Variants in VSTM4 observed in about 807,000 individuals in gnomAD.
VSTM4 encodes the protein V-set and transmembrane domain containing 4.
A neutral mutation model predicts 36.4 loss-of-function variants in VSTM4; 20 were observed. That is an observed-to-expected ratio of 0.55 (90% CI 0.39 to 0.80). The LOEUF is 0.80. Ranked by LOEUF, VSTM4 falls within the 30% of genes least tolerant of loss-of-function variation. VSTM4 has a pLI of 0.00. For missense variants in VSTM4, 392 were observed against 404.5 expected, an observed-to-expected ratio of 0.97 and a Z score of 0.26; for synonymous variants, 182 against 173.9, an observed-to-expected ratio of 1.05 and a Z score of -0.37.
intron 2 of VSTM4, among the ~76,000 whole-genome samples, chr10:49,090,402 T>C (rs959415917): frequency 6.6e-6 from 1 of 152,144 alleles, no homozygotes; most frequent in African/African-American, 2.4e-5. Flanking sequence ...CAGCTGCTCA[T>C]GATTAAAGGA....
chr10:49,044,840 C>T (rs778379589), intron 7 of VSTM4, among the ~76,000 whole-genome samples: 2 of 152,184 alleles, frequency 1.3e-5, no homozygotes, highest in Non-Finnish European at 2.9e-5. Flanking sequence ...ACCATTCATA[C>T]TTATGTCTAT....
intron 2 of VSTM4, among the ~76,000 whole-genome samples, chr10:49,105,808 A>G (rs534116840): frequency 6.6e-6 from 1 of 151,902 alleles, no homozygotes; most frequent in South Asian, 2.1e-4. Context: ...AAACAACACA[A>G]TTCACACATA....
chr10:49,033,235 T>A (rs1221684615), intron 7 of VSTM4, among the ~76,000 whole-genome samples: 1 of 152,190 alleles, frequency 6.6e-6, no homozygotes, highest in African/African-American at 2.4e-5. Context: ...CTATACGTAC[T>A]GATGTAGAAA....
At chr10:49,068,326 G>T (rs1310921000) in intron 4 of VSTM4, among the ~76,000 whole-genome samples, 1 of 152,132 alleles carries the variant, frequency 6.6e-6, no homozygotes, top group Non-Finnish European at 1.5e-5. Context: ...TCCAGTGCTC[G>T]AGGTAGCAAG....
intron 7 of VSTM4, among the ~76,000 whole-genome samples, chr10:49,040,462 T>G (rs1454268252): frequency 6.6e-6 from 1 of 152,096 alleles, no homozygotes; most frequent in Non-Finnish European, 1.5e-5. Context: ...TTTTTTGTAA[T>G]TTTTGAGGAG....
intron 2 of VSTM4, among the ~76,000 whole-genome samples, chr10:49,095,301 A>G (rs1015729706): frequency 1.3e-5 from 2 of 152,112 alleles, no homozygotes; most frequent in Non-Finnish European, 1.5e-5. Context: ...TTTCTCTGCC[A>G]TGTCTCCAGA....
At chr10:49,085,897 AAAAG>A (rs1173966784) in intron 3 of VSTM4, 54 bp downstream of exon 3, 23 of 1,140,792 alleles carry the variant, frequency 2.0e-5, no homozygotes, top group Non-Finnish European at 1.3e-5. Context: ...AATTTAAAAA[AAAAG>A]AAAAAGAAAA....
At chr10:49,085,730 C>T (rs925773260) in intron 3 of VSTM4, among the ~76,000 whole-genome samples, 44 of 151,562 alleles carry the variant, frequency 2.9e-4, no homozygotes, top group African/African-American at 1.0e-3. Flanking sequence ...AGTGAGGCTG[C>T]ATCTTATCGT....
At chr10:49,061,167 C>T (rs189503575) in intron 5 of VSTM4, among the ~76,000 whole-genome samples, 1 of 152,274 alleles carries the variant, frequency 6.6e-6, no homozygotes, top group Non-Finnish European at 1.5e-5. Context: ...CAACAAAAAA[C>T]TGTTTCCACA....
chr10:49,029,064 C>T (rs759807077), intron 7 of VSTM4, among the ~76,000 whole-genome samples: 4 of 152,170 alleles, frequency 2.6e-5, no homozygotes, highest in Admixed American at 6.5e-5. Context: ...ACAACTATAG[C>T]CACCAAGGAG....
At position 49,018,545 on chromosome 10, in the gene VSTM4, C is replaced by G. The variant is rs577794379; in HGVS notation, c.*1105G>C. ...ATAGCCACCCAGACTATACTCACAT[C>G]AAGAAATGTCCTCAATAACACAGTT... On this transcript the variant is annotated 3_prime_UTR_variant, in exon 8 of 8. Transcript: ENST00000332853. 1 of 152,198 alleles carries G rather than the reference C, an allele frequency of 6.6e-6. No individual in the cohort carries two copies. The highest frequency in any genetic ancestry group is 1.5e-5 in the Non-Finnish European group (1 of 68,042). The allele number at this position is 152,198 out of a possible 1,614,324, so 9.4% of individuals were successfully genotyped here. A position where few individuals can be genotyped will look rare whatever the true frequency, so the allele number is the denominator to read the frequency against.
At chr10:49,062,653 G>A (rs1305844479) in intron 5 of VSTM4, among the ~76,000 whole-genome samples, 4 of 152,060 alleles carry the variant, frequency 2.6e-5, no homozygotes, top group African/African-American at 9.7e-5. Context: ...TGCCAAATTT[G>A]GGGAGTTTTC....
intron 4 of VSTM4, among the ~76,000 whole-genome samples, chr10:49,065,900 A>G (rs1843964839): frequency 6.6e-6 from 1 of 151,542 alleles, no homozygotes; most frequent in Non-Finnish European, 1.5e-5. Flanking sequence ...TAATACCTAA[A>G]CTCTTTCTGT....
chr10:49,091,124 T>C (rs1844466180), intron 2 of VSTM4, among the ~76,000 whole-genome samples: 1 of 152,240 alleles, frequency 6.6e-6, no homozygotes, highest in Admixed American at 6.5e-5. Flanking sequence ...TGGGTTTTTA[T>C]ATCTGATGGG....
chr10:49,065,917 T>G (rs1404553136), intron 4 of VSTM4, among the ~76,000 whole-genome samples: 1 of 151,956 alleles, frequency 6.6e-6, no homozygotes, highest in Non-Finnish European at 1.5e-5. Context: ...CTGTATTCCA[T>G]TTACCGAGCA....
rs540131068 is a variant in VSTM4 at position 49,090,987 on chromosome 10, C to T, written c.458-4964G>A. 3.3e-5 allele frequency among the ~76,000 whole-genome samples: 5 copies of T among 150,134 alleles called. No homozygotes were observed. The South Asian group carries it at 1.1e-3, about 32-fold the overall frequency. Reference sequence around the variant, plus strand: ...TCCCACAGTGCACAGGCATGTAGTCCCCATGCTGGGGTGGGGGGTGGGGAA... The same window carrying T: ...TCCCACAGTGCACAGGCATGTAGTCTCCATGCTGGGGTGGGGGGTGGGGAA... On this transcript the variant is annotated intron_variant, in intron 2 of 7. Coordinates refer to ENST00000332853, the MANE Select transcript of VSTM4 (RefSeq NM_001031746.5).
chr10:49,056,002 C>T (rs6537493), intron 5 of VSTM4, among the ~76,000 whole-genome samples: 68,129 of 152,224 alleles, frequency 0.45, 16,720 homozygotes, highest in African/African-American at 0.65. Flanking sequence ...CAGACCCTTG[C>T]GGGTTGCAAA....
In VSTM4 at chr10:49,075,649, A is replaced by C. The variant is rs1361610227; in HGVS notation, c.634+1570T>G. 3.9e-5 allele frequency among the ~76,000 whole-genome samples: 6 copies of C among 152,362 alleles called. No individual in the cohort carries two copies. The East Asian group carries it at 1.2e-3, about 29-fold the overall frequency. On this transcript the variant is annotated intron_variant, in intron 4 of 7. Coordinates refer to ENST00000332853, the MANE Select transcript of VSTM4 (RefSeq NM_001031746.5). ...GAGCTGGCTTTGAAGGACAGCATAG[A>C]GACACAGGCAGAGGCTGGTGGGAGA... is the stretch of plus-strand genomic sequence containing the variant.
intron 1 of VSTM4, among the ~76,000 whole-genome samples, chr10:49,114,717 A>G (rs1844959363): frequency 6.6e-6 from 1 of 151,130 alleles, no homozygotes; most frequent in South Asian, 2.3e-4. Flanking sequence ...TATTACTATT[A>G]TTCCAGCCAG....
Sources: gnomAD v4.1 joint callset for allele counts (sites outside exome capture counted in the v4.1 genomes callset) on GRCh38, gnomAD v4.1.1 for gene constraint, MANE v1.5 for transcripts, NCBI Gene and HGNC (gene_info 2026-07-23, HGNC 2026-07-21) for gene names.